NCOA7: variants seen among roughly 807,000 people sequenced by gnomAD.
NCOA7 encodes 140 kDa estrogen receptor-associated protein.
In NCOA7, 45 loss-of-function variants were observed where a neutral mutation model predicts 104.3. That is an observed-to-expected ratio of 0.43 (90% CI 0.34 to 0.55). The LOEUF is 0.55. NCOA7 is among the 20% of genes least tolerant of loss of function. The pLI, the probability that NCOA7 is intolerant of heterozygous loss-of-function variation, is 0.02. For missense variants in NCOA7, 1,041 were observed against 1,119.7 expected (o/e 0.93, Z 1.00); for synonymous variants, 398 against 402.3 (o/e 0.99, Z 0.13).
chr6:125,798,513 A>G (rs1007552092), intron 1 of NCOA7, among the ~76,000 whole-genome samples: 6 of 152,218 alleles, frequency 3.9e-5, no homozygotes, highest in Non-Finnish European at 8.8e-5. Flanking sequence ...ATTTGAGAAA[A>G]ATTCAACAGT....
chr6:125,852,763 A>G (rs552863355), intron 2 of NCOA7, among the ~76,000 whole-genome samples: 2 of 152,178 alleles, frequency 1.3e-5, no homozygotes, highest in African/African-American at 2.4e-5. Context: ...TTCCATTGCA[A>G]TGTCTATACA....
intron 2 of NCOA7, among the ~76,000 whole-genome samples, chr6:125,842,604 G>GGCTTTGTAAGGGATTATAAACA (rs1780273028): frequency 6.6e-6 from 1 of 152,068 alleles, no homozygotes; most frequent in Admixed American, 6.6e-5. Flanking sequence ...AGACTTTCTT[G>GGCTTTGTAAGGGATTATAAACA]GCTTTGTAAG....
intron 3 of NCOA7, among the ~76,000 whole-genome samples, chr6:125,867,942 G>A (rs192396795): frequency 3.3e-4 from 51 of 152,276 alleles, no homozygotes; most frequent in Admixed American, 1.6e-3. Context: ...TAATAAGCCC[G>A]CTTCTATAGA....
chr6:125,900,105 G>A, intron 10 of NCOA7: 1 of 510,348 alleles, frequency 2.0e-6, no homozygotes, highest in Non-Finnish European at 4.1e-6. Flanking sequence ...ATGAGGCCAG[G>A]GTTAATTATA....
In NCOA7 at chr6:125,845,288, TG is replaced by T. The variant is rs35214914; in HGVS notation, c.51-9729del. ...TATCTGATTTAAAAAAAAAGTGATGTGGGATTGCAGTCCAGCAATTTACTAA... is the reference window on the plus strand; with the variant it reads ...TATCTGATTTAAAAAAAAAGTGATGTGGATTGCAGTCCAGCAATTTACTAA... On this transcript the variant is annotated intron_variant, in intron 2 of 15. Transcript: ENST00000392477. Among the ~76,000 whole-genome samples the T allele has an allele frequency of 1.6e-3, 246 of 152,182 alleles. 1 individual carries two copies. The highest frequency in any genetic ancestry group is 0.01 in the Middle Eastern group (3 of 294).
intron 2 of NCOA7, among the ~76,000 whole-genome samples, chr6:125,839,509 T>C (rs1779934103): frequency 6.6e-6 from 1 of 152,070 alleles, no homozygotes; most frequent in East Asian, 1.9e-4. Context: ...CTTTTAATCC[T>C]GGCTGGATCT....
At chr6:125,808,589 C>G (rs1776677682) in intron 1 of NCOA7, among the ~76,000 whole-genome samples, 1 of 152,152 alleles carries the variant, frequency 6.6e-6, no homozygotes, top group African/African-American at 2.4e-5. Context: ...CCTCTGTTTT[C>G]TTACCAAACT....
At chr6:125,905,178 G>A (rs1785863714) in intron 10 of NCOA7, among the ~76,000 whole-genome samples, 1 of 152,074 alleles carries the variant, frequency 6.6e-6, no homozygotes, top group South Asian at 2.1e-4. Context: ...GGTGATGACT[G>A]AGATACTGCT....
chr6:125,886,758 CATT>C lies in NCOA7; in HGVS notation c.884+1420_884+1422del, dbSNP rs1385959019. On this transcript the variant is annotated intron_variant, in intron 8 of 15. Transcript: ENST00000392477. The stretch of plus-strand genomic sequence containing the variant: ...AAAAGTTAAAAATTACTTAAAACAT[CATT>C]ATTACCAAAAGTTTAATGATAAAAC... 2.6e-5 allele frequency among the ~76,000 whole-genome samples: 4 copies of C among 152,308 alleles called. 1 individual carries two copies. Among genetic ancestry groups the C allele is most frequent in the African/African-American group, 9.6e-5 (4 of 41,564 alleles).
Position 125,916,868 on chromosome 6 carries a change from A to T in NCOA7, c.2244+1388A>T, listed in dbSNP as rs1037729132. 3.3e-5 allele frequency among the ~76,000 whole-genome samples: 5 copies of T among 151,870 alleles called. No individual in the cohort carries two copies. In the East Asian group the frequency reaches 9.6e-4, roughly 29 times the overall value. On this transcript the variant is annotated intron_variant, in intron 11 of 15. Coordinates refer to ENST00000392477, the MANE Select transcript of NCOA7 (RefSeq NM_181782.5). Reference sequence around the variant, plus strand: ...AAGTGGCCCTGCAATACTAATTTAAACTCTTCACTCAATCTGTAGTTGCTT... The same window carrying T: ...AAGTGGCCCTGCAATACTAATTTAATCTCTTCACTCAATCTGTAGTTGCTT...
At chr6:125,843,318 A>G (rs534507037) in intron 2 of NCOA7, among the ~76,000 whole-genome samples, 6 of 152,248 alleles carry the variant, frequency 3.9e-5, no homozygotes, top group South Asian at 4.1e-4. Context: ...AGAACCTCTA[A>G]TGGGGAGGAT....
intron 10 of NCOA7, among the ~76,000 whole-genome samples, chr6:125,906,468 T>A (rs1786015788): frequency 6.6e-6 from 1 of 152,086 alleles, no homozygotes; most frequent in Admixed American, 6.5e-5. Context: ...GTGGACCCAT[T>A]AAGCCCAAAT....
rs545308257 is a variant in NCOA7, at chr6:125,893,446, TA to T, written c.2096+2641del. On this transcript the variant is annotated intron_variant, in intron 10 of 15. Coordinates refer to ENST00000392477, the MANE Select transcript of NCOA7 (RefSeq NM_181782.5). ...TCTCTCTATTGTTCCTAATACTTTT[TA>T]AAAATGTTTACTTTTTCCTTTATTA... Among the ~76,000 whole-genome samples, 677 of 152,360 alleles carry T rather than the reference TA, an allele frequency of 4.4e-3. 5 individuals carry two copies. The highest frequency in any genetic ancestry group is 0.016 in the African/African-American group (648 of 41,588).
At chr6:125,892,645 GC>G (rs1406130481) in intron 10 of NCOA7, among the ~76,000 whole-genome samples, 1 of 152,154 alleles carries the variant, frequency 6.6e-6, no homozygotes, top group Non-Finnish European at 1.5e-5. Context: ...CTGCACTCCA[GC>G]CTGGGCGACA....
At chr6:125,841,292 G>A (rs1380849998) in intron 2 of NCOA7, among the ~76,000 whole-genome samples, 1 of 152,060 alleles carries the variant, frequency 6.6e-6, no homozygotes, top group Non-Finnish European at 1.5e-5. Flanking sequence ...TTGTAGCCTA[G>A]TAGCAATGGG....
chr6:125,793,880 A>G (rs1283473774), intron 1 of NCOA7, among the ~76,000 whole-genome samples: 1 of 152,214 alleles, frequency 6.6e-6, no homozygotes, highest in East Asian at 1.9e-4. Flanking sequence ...ACAGTGATAC[A>G]AAATGCATTT....
rs139213600 is a variant in NCOA7 at position 125,926,204 on chromosome 6, G to A, written c.2524-1459G>A. On this transcript the variant is annotated intron_variant, in intron 13 of 15. Transcript: ENST00000392477. The stretch of plus-strand genomic sequence containing the variant: ...TGTGCACCTGTAATCCCAGCTACTC[G>A]GGAGGCTGAGGCAGGAGAATCACTT... Among the ~76,000 whole-genome samples the A allele has an allele frequency of 7.7e-3, 1,164 of 151,896 alleles. 12 individuals carry two copies. The highest frequency in any genetic ancestry group is 0.025 in the African/African-American group (1,049 of 41,422).
At chr6:125,840,714 T>A (rs1163908822) in intron 2 of NCOA7, among the ~76,000 whole-genome samples, 14 of 151,634 alleles carry the variant, frequency 9.2e-5, no homozygotes, top group Admixed American at 9.2e-4. Context: ...AGACAGGGTC[T>A]TTCTAGGCTG....
intron 2 of NCOA7, among the ~76,000 whole-genome samples, chr6:125,846,407 A>G (rs1388146329): frequency 2.0e-5 from 3 of 150,384 alleles, no homozygotes; most frequent in Non-Finnish European, 2.9e-5. Flanking sequence ...CACATTTCCT[A>G]CTCTTCTCCG....
Sources: allele counts gnomAD v4.1 joint callset (sites outside exome capture counted in the v4.1 genomes callset), GRCh38; gene constraint gnomAD v4.1.1; transcripts MANE v1.5; gene names NCBI Gene and HGNC (gene_info 2026-07-23, HGNC 2026-07-21).